The following MACROD2 variants were observed in gnomAD, a reference collection of about 807,000 sequenced individuals.
MACROD2 encodes the protein ADP-ribose glycohydrolase MACROD2.
MACROD2 carries 36 observed loss-of-function variants against 70.4 expected under a neutral mutation model. That is an observed-to-expected ratio of 0.51 (90% CI 0.39 to 0.68). The LOEUF is 0.68. Among genes scored for constraint, MACROD2 ranks in the 30% least tolerant of loss-of-function variants. MACROD2 has a pLI of 0.00. For synonymous variants in MACROD2, 172 were observed against 178.8 expected, an observed-to-expected ratio of 0.96 and a Z score of 0.30; for missense variants, 496 against 538.4, an observed-to-expected ratio of 0.92 and a Z score of 0.78.
chr20:14,913,788 G>A (rs1021841653), intron 5 of MACROD2, among the ~76,000 whole-genome samples: 1 of 152,104 alleles, frequency 6.6e-6, no homozygotes, highest in African/African-American at 2.4e-5. Context: ...ACTGTGATTT[G>A]TAGTATGTTT....
chr20:15,363,631 G>C (rs925193713), intron 6 of MACROD2, among the ~76,000 whole-genome samples: 1 of 152,034 alleles, frequency 6.6e-6, no homozygotes, highest in African/African-American at 2.4e-5. Flanking sequence ...GCAGGCAAAC[G>C]TTGCCTCCCT....
chr20:14,752,718 C>T (rs1425172145), intron 5 of MACROD2, among the ~76,000 whole-genome samples: 1 of 152,086 alleles, frequency 6.6e-6, no homozygotes. Flanking sequence ...GTCCCTGTCT[C>T]ATGCCATGCT....
At chr20:15,033,176 A>G (rs1253579644) in intron 5 of MACROD2, among the ~76,000 whole-genome samples, 5 of 152,200 alleles carry the variant, frequency 3.3e-5, no homozygotes, top group Admixed American at 3.3e-4. Context: ...CCGTGGATGT[A>G]ATTAACACCA....
intron 4 of MACROD2, among the ~76,000 whole-genome samples, chr20:14,555,965 G>C (rs915593202): frequency 6.6e-6 from 1 of 151,894 alleles, no homozygotes; most frequent in Non-Finnish European, 1.5e-5. Context: ...ATATTCTATT[G>C]TGTTCTCATC....
chr20:14,781,055 T>A (rs997053291), intron 5 of MACROD2, among the ~76,000 whole-genome samples: 1 of 152,118 alleles, frequency 6.6e-6, no homozygotes, highest in Non-Finnish European at 1.5e-5. Context: ...GGTAAGAACA[T>A]TAAACATCGT....
intron 8 of MACROD2, among the ~76,000 whole-genome samples, chr20:15,835,399 T>G (rs965006273): frequency 6.6e-6 from 1 of 152,152 alleles, no homozygotes; most frequent in Non-Finnish European, 1.5e-5. Flanking sequence ...TGCCTGATAC[T>G]TAATATCAAT....
intron 5 of MACROD2, among the ~76,000 whole-genome samples, chr20:14,754,117 G>GT (rs879585788): frequency 3.1e-4 from 47 of 152,120 alleles, no homozygotes; most frequent in Admixed American, 2.3e-3. Flanking sequence ...TTTAATAAAT[G>GT]TTTTTTATAT....
At chr20:15,115,768 G>A (rs537570175) in intron 5 of MACROD2, among the ~76,000 whole-genome samples, 2 of 152,260 alleles carry the variant, frequency 1.3e-5, no homozygotes, top group East Asian at 3.9e-4. Context: ...ATCAGAAGAT[G>A]TATACTGTAT....
At chr20:15,934,774 T>C (rs2147323732) in intron 11 of MACROD2, among the ~76,000 whole-genome samples, 1 of 152,296 alleles carries the variant, frequency 6.6e-6, no homozygotes, top group South Asian at 2.1e-4. Context: ...CTCGGTTCAC[T>C]GCAACCTCTG....
intron 5 of MACROD2, among the ~76,000 whole-genome samples, chr20:14,839,741 T>C (rs1850855775): frequency 6.6e-6 from 1 of 152,034 alleles, no homozygotes; most frequent in Non-Finnish European, 1.5e-5. Flanking sequence ...GATTTTTGGA[T>C]ATTAGGAAAA....
At chr20:15,733,779 G>T (rs1229312802) in intron 8 of MACROD2, among the ~76,000 whole-genome samples, 2 of 152,096 alleles carry the variant, frequency 1.3e-5, no homozygotes, top group African/African-American at 4.8e-5. Context: ...CTGCAGAAAC[G>T]TTGTGTATTT....
intron 8 of MACROD2, among the ~76,000 whole-genome samples, chr20:15,831,841 G>A (rs2064059577): frequency 6.6e-6 from 1 of 152,168 alleles, no homozygotes; most frequent in Non-Finnish European, 1.5e-5. Context: ...TATTTGGGAA[G>A]CAATCATGTT....
intron 5 of MACROD2, among the ~76,000 whole-genome samples, chr20:14,974,772 T>C (rs2074723377): frequency 6.6e-6 from 1 of 152,134 alleles, no homozygotes; most frequent in Non-Finnish European, 1.5e-5. Context: ...AAGAGAGTCC[T>C]GTTGACGTAG....
At chr20:14,208,774 T>C (rs2081546491) in intron 3 of MACROD2, among the ~76,000 whole-genome samples, 1 of 152,188 alleles carries the variant, frequency 6.6e-6, no homozygotes, top group Non-Finnish European at 1.5e-5. Flanking sequence ...AAGCTGGTCA[T>C]ATGAGGTGGT....
At chr20:15,084,378 T>A (rs1367778052) in intron 5 of MACROD2, among the ~76,000 whole-genome samples, 2 of 152,080 alleles carry the variant, frequency 1.3e-5, no homozygotes, top group Non-Finnish European at 2.9e-5. Context: ...AACTAGTTTT[T>A]CTTACCATCT....
At chr20:15,189,754 T>TCAC (rs138445368) in intron 5 of MACROD2, among the ~76,000 whole-genome samples, 2,473 of 152,270 alleles carry the variant, frequency 0.016, 45 homozygotes, top group African/African-American at 0.05. Context: ...ACAGATCCTC[T>TCAC]TCAGTGCATT....
intron 5 of MACROD2, among the ~76,000 whole-genome samples, chr20:14,742,919 A>C (rs1254660032): frequency 1.3e-5 from 2 of 151,006 alleles, no homozygotes; most frequent in African/African-American, 4.9e-5. Flanking sequence ...GGCGCCCGCC[A>C]CTATGCCCGG....
chr20:15,266,244 A>G (rs939227949), intron 6 of MACROD2, among the ~76,000 whole-genome samples: 2 of 152,214 alleles, frequency 1.3e-5, no homozygotes, highest in African/African-American at 4.8e-5. Context: ...TTTTGCAGCT[A>G]TAATTATTAT....
At chr20:14,185,475 A>G (rs1260074612) in intron 3 of MACROD2, among the ~76,000 whole-genome samples, 1 of 152,144 alleles carries the variant, frequency 6.6e-6, no homozygotes. Context: ...GATATGACCA[A>G]CAATTAATTC....
Sources: gnomAD v4.1 joint callset for allele counts (sites outside exome capture counted in the v4.1 genomes callset) on GRCh38, gnomAD v4.1.1 for gene constraint, MANE v1.5 for transcripts, NCBI Gene and HGNC (gene_info 2026-07-23, HGNC 2026-07-21) for gene names.